MAN1C1: variants seen among roughly 807,000 people sequenced by gnomAD.
MAN1C1 encodes the protein mannosidase alpha class 1C member 1.
In MAN1C1, 49 loss-of-function variants were observed where a neutral mutation model predicts 71.5. The ratio of observed to expected loss-of-function variants is 0.69; its 90% CI spans 0.54 to 0.87. The LOEUF is 0.87. Among genes scored for constraint, MAN1C1 ranks in the 40% least tolerant of loss-of-function variants. The pLI is 0.00. For missense variants in MAN1C1, 743 were observed against 835.0 expected (o/e 0.89, Z 1.36); for synonymous variants, 352 against 343.7 (o/e 1.02, Z -0.27).
Position 25,672,149 on chromosome 1 carries a change from C to T in MAN1C1, c.541-14291C>T, listed in dbSNP as rs1015492457. Reference sequence around the variant, plus strand: ...GGTACAAGTCCCAGAGTCCAAAGGCCAGAGAACTTGTTGTTCTGATTCCAA... The same window carrying T: ...GGTACAAGTCCCAGAGTCCAAAGGCTAGAGAACTTGTTGTTCTGATTCCAA... On this transcript the variant is annotated intron_variant, in intron 1 of 11. Transcript: ENST00000374332. Among the ~76,000 whole-genome samples, 5 of 152,180 alleles carry T rather than the reference C, an allele frequency of 3.3e-5. No individual in the cohort carries two copies. In the South Asian group the frequency reaches 8.3e-4, roughly 25 times the overall value.
chr1:25,781,174 G>A, intron 10 of MAN1C1, 62 bp downstream of exon 10: 1 of 1,575,126 alleles, frequency 6.3e-7, no homozygotes, highest in Non-Finnish European at 8.7e-7. Context: ...TACAGGCTGG[G>A]TGCTAGGTGC....
At chr1:25,738,817 C>T (rs1368220990) in intron 2 of MAN1C1, among the ~76,000 whole-genome samples, 1 of 152,070 alleles carries the variant, frequency 6.6e-6, no homozygotes, top group Non-Finnish European at 1.5e-5. Flanking sequence ...GTTCCAAGAT[C>T]CAACATTCTG....
intron 1 of MAN1C1, among the ~76,000 whole-genome samples, chr1:25,679,561 A>G (rs2046116927): frequency 6.7e-6 from 1 of 149,956 alleles, no homozygotes; most frequent in South Asian, 2.1e-4. Flanking sequence ...AATGAGTTAA[A>G]AAAAAAAAAA....
At position 25,686,533 on chromosome 1, in the gene MAN1C1, T is replaced by C. The variant is rs747638197; in HGVS notation, c.634T>C (p.Phe212Leu). ...AAAAGATGGCTACGAGGGTAACATG[T>C]TCGGTGAGTCGATTCAAACCACTTT... ...LTKDGYEGNM[F>L]GGLSGATVID... The change falls in exon 2 of 12, where the codon TTC becomes CTC. Residue 212 changes from phenylalanine to leucine, a missense_variant. By Grantham distance (22) the Phe-to-Leu change is conservative. Transcript: ENST00000374332. 1 of 1,613,960 alleles carries C rather than the reference T, an allele frequency of 6.2e-7. No homozygotes were observed. The highest frequency in any genetic ancestry group is 8.5e-7 in the Non-Finnish European group (1 of 1,179,848).
chr1:25,676,563 C>T (rs960249355), intron 1 of MAN1C1, among the ~76,000 whole-genome samples: 1 of 152,170 alleles, frequency 6.6e-6, no homozygotes, highest in African/African-American at 2.4e-5. Flanking sequence ...AAAAAATCAA[C>T]CCAATGTTCT....
intron 4 of MAN1C1, among the ~76,000 whole-genome samples, chr1:25,751,262 T>C (rs1397026389): frequency 6.6e-6 from 1 of 150,748 alleles, no homozygotes; most frequent in African/African-American, 2.4e-5. Flanking sequence ...TCTGTCCTTT[T>C]CTCCTTCCAT....
intron 2 of MAN1C1, among the ~76,000 whole-genome samples, chr1:25,703,746 T>G (rs2046478846): frequency 6.6e-6 from 1 of 152,212 alleles, no homozygotes; most frequent in African/African-American, 2.4e-5. Flanking sequence ...TGAGGTGTCC[T>G]CTGGCCATGT....
chr1:25,718,183 A>G (rs2046709518), intron 2 of MAN1C1, among the ~76,000 whole-genome samples: 1 of 152,160 alleles, frequency 6.6e-6, no homozygotes, highest in South Asian at 2.1e-4. Flanking sequence ...TGTAGAGTTA[A>G]TAATCGTCGT....
chr1:25,743,757 C>T (rs2047092129), intron 2 of MAN1C1, among the ~76,000 whole-genome samples: 2 of 152,216 alleles, frequency 1.3e-5, no homozygotes, highest in African/African-American at 4.8e-5. Context: ...AAGAAGGGCG[C>T]ATGGGGTGAA....
intron 2 of MAN1C1, among the ~76,000 whole-genome samples, chr1:25,733,991 G>A (rs547950970): frequency 5.2e-4 from 79 of 151,974 alleles, no homozygotes; most frequent in African/African-American, 1.9e-3. Context: ...AGTAGAGATG[G>A]GGTTTCACCG....
chr1:25,636,636 CAT>C (rs761946837), intron 1 of MAN1C1, among the ~76,000 whole-genome samples: 12 of 152,226 alleles, frequency 7.9e-5, no homozygotes, highest in South Asian at 2.1e-4. Context: ...TTCAAACACA[CAT>C]GTGTTACAAT....
chr1:25,762,574 G>C (rs1234234637), intron 6 of MAN1C1, among the ~76,000 whole-genome samples: 1 of 151,888 alleles, frequency 6.6e-6, no homozygotes. Flanking sequence ...TTACAGGCCT[G>C]TGCCACCACG....
chr1:25,721,178 G>T (rs749183119), intron 2 of MAN1C1, among the ~76,000 whole-genome samples: 10 of 151,926 alleles, frequency 6.6e-5, no homozygotes, highest in Non-Finnish European at 1.5e-4. Context: ...TTTTTACAAG[G>T]TTCTTGCTGT....
At position 25,781,010 on chromosome 1, in the gene MAN1C1, G is replaced by A. The variant is rs1354745778; in HGVS notation, c.1548G>A (p.Glu516=). 1 of 1,614,054 alleles carries A rather than the reference G, an allele frequency of 6.2e-7. No individual in the cohort carries two copies. The highest frequency in any genetic ancestry group is 8.5e-7 in the Non-Finnish European group (1 of 1,180,046). The part of the protein sequence containing the change: ...GREAVATQLS[E]SYYILRPEVV... ...AGGCCGTGGCCACCCAGCTGAGCGA[G>A]AGCTACTACATCCTCCGGCCAGAGG... Residue 516 remains glutamate (E), a synonymous_variant, in exon 10 of 12, where the codon GAG becomes GAA. Coordinates refer to ENST00000374332, the MANE Select transcript of MAN1C1 (RefSeq NM_020379.4).
At chr1:25,669,501 T>G (rs2045966951) in intron 1 of MAN1C1, among the ~76,000 whole-genome samples, 1 of 152,198 alleles carries the variant, frequency 6.6e-6, no homozygotes, top group Admixed American at 6.5e-5. Context: ...GCACACTGGC[T>G]TGTGCTTTTA....
intron 1 of MAN1C1, among the ~76,000 whole-genome samples, chr1:25,625,534 A>T (rs2045280835): frequency 6.6e-6 from 1 of 152,164 alleles, no homozygotes; most frequent in African/African-American, 2.4e-5. Flanking sequence ...TGGAGTAGTA[A>T]GCCAGGTACA....
intron 2 of MAN1C1, among the ~76,000 whole-genome samples, 177 bp downstream of exon 2, chr1:25,686,713 A>G (rs1209041451): frequency 6.6e-6 from 1 of 152,066 alleles, no homozygotes; most frequent in Admixed American, 6.6e-5. Context: ...GAGTCCTCCT[A>G]GATTTAGGGG....
Position 25,771,735 on chromosome 1 carries a change from A to G in MAN1C1, c.1220A>G (p.Asp407Gly). ...IKSWLMSGKT[D>G]MEAKNMYYEA... ...TCCTGGTTGATGTCGGGCAAGACAG[A>G]TATGGAGGCTAAAAATATGTACTAC... Residue 407 changes from aspartate to glycine, a missense_variant, in exon 8 of 12, where the codon GAT becomes GGT. Coordinates refer to ENST00000374332, the MANE Select transcript of MAN1C1 (RefSeq NM_020379.4). 1.6e-5 allele frequency: 26 copies of G among 1,614,110 alleles called. No individual in the cohort carries two copies. The highest frequency in any genetic ancestry group is 2.2e-5 in the Non-Finnish European group (26 of 1,180,004).
At chr1:25,636,620 A>T (rs1366637825) in intron 1 of MAN1C1, among the ~76,000 whole-genome samples, 1 of 152,220 alleles carries the variant, frequency 6.6e-6, no homozygotes, top group East Asian at 1.9e-4. Flanking sequence ...CACTGATTTC[A>T]TATTGTTCAA....
Sources: allele counts gnomAD v4.1 joint callset (sites outside exome capture counted in the v4.1 genomes callset), GRCh38; gene constraint gnomAD v4.1.1; transcripts MANE v1.5; gene names NCBI Gene and HGNC (gene_info 2026-07-23, HGNC 2026-07-21).